Variants in TET2 observed in about 807,000 individuals in gnomAD.
TET2 encodes the protein tet methylcytosine dioxygenase 2.
TET2 carries 299 observed loss-of-function variants against 142.9 expected under a neutral mutation model. That is an observed-to-expected ratio of 2.09 (90% CI 1.90 to 2.30). The LOEUF is 2.30. Ranked by LOEUF, TET2 falls within the 30% of genes most tolerant of loss-of-function variation. The pLI, the probability that TET2 is intolerant of heterozygous loss-of-function variation, is 0.00. For missense variants in TET2, 2,418 were observed against 2,378.0 expected, an observed-to-expected ratio of 1.02 and a Z score of -0.35; for synonymous variants, 819 against 849.0, an observed-to-expected ratio of 0.96 and a Z score of 0.61.
In TET2 at chr4:105,189,715, T is replaced by G. The variant is rs150624548; in HGVS notation, c.-192-645T>G. Reference sequence around the variant, plus strand: ...TCTTACTTGGGTTATGTTTTTAAAGTAGGTATCTTATTAGGTGGTCCTTTT... The same window carrying G: ...TCTTACTTGGGTTATGTTTTTAAAGGAGGTATCTTATTAGGTGGTCCTTTT... On this transcript the variant is annotated intron_variant, in intron 1 of 10. Transcript: ENST00000380013. 7.5e-4 allele frequency among the ~76,000 whole-genome samples: 114 copies of G among 152,348 alleles called. 1 individual carries two copies. Among genetic ancestry groups the G allele is most frequent in the African/African-American group, 2.7e-3 (111 of 41,580 alleles).
intron 6 of TET2, among the ~76,000 whole-genome samples, chr4:105,249,753 G>A (rs1729773164): frequency 6.6e-6 from 1 of 152,086 alleles, no homozygotes; most frequent in Non-Finnish European, 1.5e-5. Context: ...CTACTTATAT[G>A]TTTTTAATTG....
intron 6 of TET2, among the ~76,000 whole-genome samples, chr4:105,256,906 C>A (rs1000937128): frequency 6.6e-6 from 1 of 152,042 alleles, no homozygotes; most frequent in South Asian, 2.1e-4. Flanking sequence ...CTTTAGAATT[C>A]TATTTAATAA....
intron 2 of TET2, among the ~76,000 whole-genome samples, chr4:105,213,045 C>G (rs1158071163): frequency 6.6e-6 from 1 of 152,038 alleles, no homozygotes; most frequent in Non-Finnish European, 1.5e-5. Flanking sequence ...CCAAAAGACT[C>G]CATTGGAGTT....
At chr4:105,163,854 A>AGAGAGAGAGAGAGAGAGAGT (rs1553942671) in intron 1 of TET2, among the ~76,000 whole-genome samples, 2 of 85,238 alleles carry the variant, frequency 2.3e-5, no homozygotes, top group Non-Finnish European at 4.8e-5. Context: ...AGAGAGAGAG[A>AGAGAGAGAGAGAGAGAGAGT]GTGTGTGTGT....
chr4:105,235,726 ATC>A lies in TET2; in HGVS notation c.1789_1790del (p.Ser597GlnfsTer40). The A allele has an allele frequency of 6.2e-7, 1 of 1,614,130 alleles. No homozygotes were observed. The highest frequency in any genetic ancestry group is 8.5e-7 in the Non-Finnish European group (1 of 1,180,012). ...CCATCAATTCTTCAGTATCAACCCA[ATC>A]TCTCCAATCAAATGACCTCCAAACA... On this transcript the variant is annotated frameshift_variant, in exon 3 of 11. Coordinates refer to ENST00000380013, the MANE Select transcript of TET2 (RefSeq NM_001127208.3). LOFTEE classifies it high-confidence loss of function.
chr4:105,159,349 C>T (rs1306338615), intron 1 of TET2, among the ~76,000 whole-genome samples: 2 of 151,254 alleles, frequency 1.3e-5, no homozygotes, highest in African/African-American at 4.9e-5. Flanking sequence ...TCCGCCTCAC[C>T]GGTTCAAGCG....
In TET2 at chr4:105,242,824, T is replaced by G; in HGVS notation, c.3501-10T>G. 1 of 1,547,850 alleles carries G rather than the reference T, an allele frequency of 6.5e-7. No individual in the cohort carries two copies. Among genetic ancestry groups the G allele is most frequent in the Non-Finnish European group, 8.7e-7 (1 of 1,146,066 alleles). ...TTGTATGTGTGTGTGTTTCTGTGGG[T>G]TTCTTTAAGGTTTGGACAGAAGGGT... On this transcript the variant is annotated splice_polypyrimidine_tract_variant and intron_variant, in intron 4 of 10. Transcript: ENST00000380013.
At chr4:105,198,805 A>C (rs963724523) in intron 2 of TET2, among the ~76,000 whole-genome samples, 2 of 152,202 alleles carry the variant, frequency 1.3e-5, no homozygotes, top group South Asian at 4.1e-4. Context: ...GATCTGGTAC[A>C]TCAGTGTGGG....
At chr4:105,241,004 C>CA (rs1729266608) in intron 3 of TET2, 1 of 1,084,592 alleles carries the variant, frequency 9.2e-7, no homozygotes, top group Admixed American at 5.3e-5. Context: ...TTTTCCAGCT[C>CA]AAAAAATTGG....
intron 1 of TET2, among the ~76,000 whole-genome samples, chr4:105,161,807 G>GAC (rs1723873223): frequency 6.6e-6 from 1 of 152,194 alleles, no homozygotes; most frequent in Non-Finnish European, 1.5e-5. Flanking sequence ...AGATGAGACT[G>GAC]AGTGACAGTT....
intron 1 of TET2, among the ~76,000 whole-genome samples, chr4:105,161,790 T>A (rs773355091): frequency 6.6e-6 from 1 of 152,232 alleles, no homozygotes; most frequent in Non-Finnish European, 1.5e-5. Flanking sequence ...ATAGGCTGTC[T>A]TCATAAAGAT....
chr4:105,182,941 T>C (rs1275257528), intron 1 of TET2, among the ~76,000 whole-genome samples: 5 of 152,208 alleles, frequency 3.3e-5, no homozygotes, highest in African/African-American at 1.2e-4. Context: ...AAATAATTTA[T>C]GACATAAGTG....
chr4:105,195,858 T>C (rs1408067513), intron 2 of TET2, among the ~76,000 whole-genome samples: 1 of 152,178 alleles, frequency 6.6e-6, no homozygotes. Context: ...AGTCCTTGAA[T>C]CTTGGTAGGA....
In TET2 at chr4:105,275,917, G is replaced by A; in HGVS notation, c.5407G>A (p.Ala1803Thr). 6.4e-7 allele frequency: 1 copy of A among 1,552,028 alleles called. No individual in the cohort carries two copies. The highest frequency in any genetic ancestry group is 8.7e-7 in the Non-Finnish European group (1 of 1,147,036). The part of the protein sequence containing the change: ...TANGLSKMLP[A>T]LNHDRTACVQ... ...TAATGGGTTATCAAAGATGCTTCCAGCTCTTAACCATGATAGAACTGCTTG... is the reference window on the plus strand; with the variant it reads ...TAATGGGTTATCAAAGATGCTTCCAACTCTTAACCATGATAGAACTGCTTG... Residue 1803 changes from alanine (A) to threonine (T), a missense_variant, in exon 11 of 11, where the codon GCT becomes ACT. Ala to Thr is a moderately conservative substitution (Grantham distance 58). Coordinates refer to ENST00000380013, the MANE Select transcript of TET2 (RefSeq NM_001127208.3).
intron 8 of TET2, among the ~76,000 whole-genome samples, chr4:105,262,610 G>A (rs111999543): frequency 1.7e-3 from 253 of 152,154 alleles, no homozygotes; most frequent in African/African-American, 5.8e-3. Flanking sequence ...TGCTGGGTAC[G>A]GTGGCTCACA....
chr4:105,160,679 C>T (rs1311147734), intron 1 of TET2, among the ~76,000 whole-genome samples: 2 of 152,160 alleles, frequency 1.3e-5, no homozygotes, highest in Non-Finnish European at 2.9e-5. Flanking sequence ...AAATGTAATA[C>T]TATAAGTGAA....
chr4:105,182,640 T>C (rs1725188085), intron 1 of TET2, among the ~76,000 whole-genome samples: 1 of 152,126 alleles, frequency 6.6e-6, no homozygotes, highest in South Asian at 2.1e-4. Flanking sequence ...TTATTTGCCT[T>C]TCTATTAGAA....
intron 6 of TET2, among the ~76,000 whole-genome samples, chr4:105,250,786 G>T (rs950864687): frequency 1.3e-5 from 2 of 151,904 alleles, no homozygotes; most frequent in African/African-American, 4.8e-5. Flanking sequence ...TCCACCTCCG[G>T]GTTCAAGTGA....
intron 2 of TET2, among the ~76,000 whole-genome samples, chr4:105,211,765 T>A (rs532128945): frequency 3.3e-4 from 50 of 152,344 alleles, no homozygotes; most frequent in African/African-American, 1.2e-3. Flanking sequence ...AGAAGATGCA[T>A]GCCTGTTTGG....
Sources: gnomAD v4.1 joint callset for allele counts (sites outside exome capture counted in the v4.1 genomes callset) on GRCh38, gnomAD v4.1.1 for gene constraint, MANE v1.5 for transcripts, NCBI Gene and HGNC (gene_info 2026-07-23, HGNC 2026-07-21) for gene names.